The following RPGRIP1L variants were observed in gnomAD, a reference collection of about 807,000 sequenced individuals.
The protein encoded by RPGRIP1L is RPGRIP1 like, also known as protein fantom.
In RPGRIP1L, 131 loss-of-function variants were observed where a neutral mutation model predicts 160.4. That is an observed-to-expected ratio of 0.82 (90% CI 0.71 to 0.94). The LOEUF (loss-of-function observed/expected upper bound fraction) is 0.94. RPGRIP1L is among the 40% of genes least tolerant of loss of function. RPGRIP1L has a pLI of 0.00. For missense variants in RPGRIP1L, 1,522 were observed against 1,535.8 expected, an observed-to-expected ratio of 0.99 and a Z score of 0.15; for synonymous variants, 510 against 515.8, an observed-to-expected ratio of 0.99 and a Z score of 0.15.
chr16:53,657,719 T>C, intron 12 of RPGRIP1L, 87 bp from the exon 13 acceptor site: 1 of 743,560 alleles, frequency 1.3e-6, no homozygotes, highest in Non-Finnish European at 2.2e-6. Context: ...AATAAATAAT[T>C]CATTGATTGA....
chr16:53,630,521 C>T (rs1273883065), intron 22 of RPGRIP1L, among the ~76,000 whole-genome samples: 2 of 151,712 alleles, frequency 1.3e-5, no homozygotes, highest in Non-Finnish European at 1.5e-5. Context: ...ACTTAAGGGT[C>T]CATCAAAAGG....
rs113798447 is a variant in RPGRIP1L at position 53,632,478 on chromosome 16, G to A, written c.3294+3961C>T. Among the ~76,000 whole-genome samples, 28 of 152,260 alleles carry A rather than the reference G, an allele frequency of 1.8e-4. 2 individuals carry two copies. The highest frequency in any genetic ancestry group is 5.2e-4 in the Admixed American group (8 of 15,288). ...AAGCATGCAAACTCCTTAAGATCAGGAGCTTAATTTTTTGTATTCGTGGAT... is the reference window on the plus strand; with the variant it reads ...AAGCATGCAAACTCCTTAAGATCAGAAGCTTAATTTTTTGTATTCGTGGAT... On this transcript the variant is annotated intron_variant, in intron 22 of 26. Transcript: ENST00000647211.
chr16:53,625,921 G>C (rs1367589281), intron 22 of RPGRIP1L, among the ~76,000 whole-genome samples: 1 of 152,026 alleles, frequency 6.6e-6, no homozygotes, highest in East Asian at 1.9e-4. Flanking sequence ...GATGTGCTTT[G>C]TTAAACAGAT....
At chr16:53,639,189 A>G (rs1966046667) in intron 19 of RPGRIP1L, among the ~76,000 whole-genome samples, 2 of 151,926 alleles carry the variant, frequency 1.3e-5, no homozygotes, top group Admixed American at 6.6e-5. Flanking sequence ...GACTTTTACT[A>G]TTTTTAAAAG....
intron 24 of RPGRIP1L, among the ~76,000 whole-genome samples, chr16:53,615,919 T>C (rs1198759860): frequency 2.6e-5 from 4 of 152,162 alleles, no homozygotes; most frequent in African/African-American, 9.6e-5. Flanking sequence ...TTTTTGTGTA[T>C]GTAGGTTATA....
chr16:53,610,321 CA>C (rs1218160678), intron 25 of RPGRIP1L, among the ~76,000 whole-genome samples: 3 of 151,698 alleles, frequency 2.0e-5, no homozygotes, highest in Non-Finnish European at 4.4e-5. Context: ...AAAATGCCTT[CA>C]AAAAATAATA....
intron 7 of RPGRIP1L, 57 bp downstream of exon 7, chr16:53,674,960 T>C: frequency 1.7e-6 from 2 of 1,170,280 alleles, no homozygotes; most frequent in Non-Finnish European, 2.5e-6. Flanking sequence ...ACTTGAATAC[T>C]ACTTTTGAAT....
At chr16:53,606,281 G>A (rs1010823531) in intron 25 of RPGRIP1L, among the ~76,000 whole-genome samples, 5 of 152,162 alleles carry the variant, frequency 3.3e-5, no homozygotes, top group Non-Finnish European at 5.9e-5. Flanking sequence ...TGGCTTGTGC[G>A]GAGGCCAAAT....
chr16:53,664,759 T>A, intron 10 of RPGRIP1L, 111 bp downstream of exon 10: 13 of 1,204,136 alleles, frequency 1.1e-5, no homozygotes, highest in Non-Finnish European at 1.6e-5. Flanking sequence ...CTGTCCCTCA[T>A]ACATTGCGGG....
At chr16:53,660,027 T>C (rs1027377694) in intron 10 of RPGRIP1L, 2 of 151,990 alleles carry the variant, frequency 1.3e-5, no homozygotes, top group Non-Finnish European at 2.9e-5. Flanking sequence ...AGCAGGAGGG[T>C]AGAGTAGAAT....
chr16:53,696,352 T>C (rs550795687), intron 2 of RPGRIP1L, 57 bp from the exon 3 acceptor site: 1 of 1,562,342 alleles, frequency 6.4e-7, no homozygotes, highest in African/African-American at 1.4e-5. Context: ...CTCTAGAAAC[T>C]CTTGATATTA....
At chr16:53,657,782 T>G in intron 12 of RPGRIP1L, 150 bp from the exon 13 acceptor site, 1 of 579,124 alleles carries the variant, frequency 1.7e-6, no homozygotes, top group Non-Finnish European at 3.0e-6. Flanking sequence ...CTGATATATA[T>G]ATCAGGACTG....
chr16:53,633,360 C>T (rs1965639834), intron 22 of RPGRIP1L, among the ~76,000 whole-genome samples: 1 of 152,286 alleles, frequency 6.6e-6, no homozygotes, highest in East Asian at 1.9e-4. Flanking sequence ...TAACTGGAAT[C>T]TGATCTTGAG....
chr16:53,693,099 A>AT (rs1426658162), intron 3 of RPGRIP1L, among the ~76,000 whole-genome samples: 1 of 152,208 alleles, frequency 6.6e-6, no homozygotes, highest in African/African-American at 2.4e-5. Flanking sequence ...GAAAGGGCAC[A>AT]TGGGGGTGAT....
chr16:53,663,903 T>C (rs1259204375), intron 10 of RPGRIP1L, among the ~76,000 whole-genome samples: 2 of 152,176 alleles, frequency 1.3e-5, no homozygotes, highest in South Asian at 2.1e-4. Context: ...GATGTTAAAA[T>C]ATGAAAAGAT....
chr16:53,606,192 C>T (rs1000602457), intron 25 of RPGRIP1L, among the ~76,000 whole-genome samples: 7 of 152,208 alleles, frequency 4.6e-5, no homozygotes, highest in African/African-American at 1.7e-4. Flanking sequence ...CAATCTTTAA[C>T]TTACAATCAT....
chr16:53,611,310 G>C (rs965885917), intron 24 of RPGRIP1L, among the ~76,000 whole-genome samples: 1 of 152,178 alleles, frequency 6.6e-6, no homozygotes, highest in African/African-American at 2.4e-5. Context: ...CCACATCACC[G>C]TCACTGCCTG....
chr16:53,663,977 T>G (rs1459869581), intron 10 of RPGRIP1L, among the ~76,000 whole-genome samples: 2 of 152,196 alleles, frequency 1.3e-5, no homozygotes, highest in African/African-American at 4.8e-5. Context: ...GAATACTAAC[T>G]AGAAACGTAA....
chr16:53,675,420 T>C (rs1464166027), intron 6 of RPGRIP1L, among the ~76,000 whole-genome samples: 1 of 152,162 alleles, frequency 6.6e-6, no homozygotes, highest in Admixed American at 6.5e-5. Context: ...AATCATTTTA[T>C]AGTATCCTGA....
Sources: gnomAD v4.1 joint callset for allele counts (sites outside exome capture counted in the v4.1 genomes callset) on GRCh38, gnomAD v4.1.1 for gene constraint, MANE v1.5 for transcripts, NCBI Gene and HGNC (gene_info 2026-07-23, HGNC 2026-07-21) for gene names.